The following ARHGEF33 variants were observed in gnomAD, a reference collection of about 807,000 sequenced individuals.
ARHGEF33 encodes the protein Rho guanine nucleotide exchange factor 33.
ARHGEF33 carries 72 observed loss-of-function variants against 101.9 expected under a neutral mutation model. The ratio of observed to expected loss-of-function variants is 0.71; its 90% confidence interval spans 0.58 to 0.86. The LOEUF (loss-of-function observed/expected upper bound fraction) is 0.86. ARHGEF33 is among the 40% of genes least tolerant of loss of function. ARHGEF33 has a pLI of 0.00. For synonymous variants in ARHGEF33, 499 were observed against 442.5 expected (o/e 1.13, Z -1.60); for missense variants, 1,169 against 1,111.3 (o/e 1.05, Z -0.74).
chr2:38,900,736 G>A (rs1241896203), intron 2 of ARHGEF33, among the ~76,000 whole-genome samples: 2 of 152,128 alleles, frequency 1.3e-5, no homozygotes, highest in Admixed American at 1.3e-4. Context: ...TAGTGAGATG[G>A]GGTTTCTGAG....
rs1412305264 is a variant in ARHGEF33, at chr2:38,960,448, G to A, written c.2143G>A (p.Ala715Thr). The A allele has an allele frequency of 4.0e-6, 6 of 1,495,172 alleles. No homozygotes were observed. The highest frequency in any genetic ancestry group is 5.3e-6 in the Non-Finnish European group (6 of 1,129,142). 92.6% of individuals were successfully genotyped at this position (1,495,172 alleles called of 1,614,324 possible). ...LSRSLKEFPR[A>T]PPADGVAPRL... Reference sequence around the variant, plus strand: ...CCGCTCTCTCAAAGAGTTCCCGCGTGCGCCGCCAGCCGACGGCGTGGCCCC... The same window carrying A: ...CCGCTCTCTCAAAGAGTTCCCGCGTACGCCGCCAGCCGACGGCGTGGCCCC... Residue 715 changes from alanine to threonine, a missense_variant, in exon 16 of 18, where the codon GCG becomes ACG. Physicochemically the swap from Ala to Thr is moderately conservative, Grantham distance 58 (BLOSUM62 0). Transcript: ENST00000409978.
intron 9 of ARHGEF33, among the ~76,000 whole-genome samples, chr2:38,942,350 A>C (rs1338370665): frequency 1.3e-5 from 2 of 151,542 alleles, no homozygotes; most frequent in African/African-American, 4.8e-5. Flanking sequence ...TATTTTTAGT[A>C]GAGATGGGGT....
rs569355881 is a variant in ARHGEF33, at chr2:38,915,318, G to A, written c.-85-4045G>A. ...GATCATGATAGTTGTTTAAGTAGAGGCGTTATAGTTGCTTTGTCCCCTGTA... is the reference window on the plus strand; with the variant it reads ...GATCATGATAGTTGTTTAAGTAGAGACGTTATAGTTGCTTTGTCCCCTGTA... On this transcript the variant is annotated intron_variant, in intron 2 of 17. Transcript: ENST00000409978. Among the ~76,000 whole-genome samples, 26 of 151,924 alleles carry A rather than the reference G, an allele frequency of 1.7e-4. 1 individual carries two copies. The South Asian group carries it at 3.1e-3, about 18-fold the overall frequency.
At chr2:38,958,997 G>A (rs1389522298) in intron 15 of ARHGEF33, among the ~76,000 whole-genome samples, 1 of 152,158 alleles carries the variant, frequency 6.6e-6, no homozygotes, top group African/African-American at 2.4e-5. Context: ...CGTCTGCCTC[G>A]GCCTCCCGAA....
intron 13 of ARHGEF33, among the ~76,000 whole-genome samples, chr2:38,954,844 G>T (rs1667700877): frequency 6.6e-6 from 1 of 152,066 alleles, no homozygotes; most frequent in African/African-American, 2.4e-5. Flanking sequence ...ATGTTGGCCA[G>T]GCTGGTCTTG....
intron 1 of ARHGEF33, among the ~76,000 whole-genome samples, chr2:38,890,310 G>A (rs1665967395): frequency 6.6e-6 from 1 of 152,166 alleles, no homozygotes; most frequent in Admixed American, 6.5e-5. Context: ...TTAAAGAAAG[G>A]ATGCTAGACA....
intron 4 of ARHGEF33, 126 bp downstream of exon 4, chr2:38,921,549 C>A (rs1666757362): frequency 1.4e-6 from 1 of 695,238 alleles, no homozygotes; most frequent in Non-Finnish European, 2.6e-6. Flanking sequence ...GTTCTCTTAA[C>A]AGGGCTGTGA....
chr2:38,899,929 C>G (rs1383996244), intron 2 of ARHGEF33, among the ~76,000 whole-genome samples: 1 of 152,042 alleles, frequency 6.6e-6, no homozygotes, highest in Non-Finnish European at 1.5e-5. Context: ...TGGGTCATGA[C>G]TGTAATCCTA....
Position 38,919,259 on chromosome 2 carries a change from A to T in ARHGEF33, c.-85-104A>T, listed in dbSNP as rs73930375. ...TTTTTCCTCTTCTGAAATTGCATGT[A>T]CCTCAAGCTGTGTTCATTTCAATTT... is the stretch of plus-strand genomic sequence containing the variant. On this transcript the variant is annotated intron_variant, in intron 2 of 17. Transcript: ENST00000409978. 804 of 563,358 alleles carry T rather than the reference A, an allele frequency of 1.4e-3. 7 individuals carry two copies. The highest frequency in any genetic ancestry group is 0.014 in the African/African-American group (743 of 53,360). 34.9% of individuals were successfully genotyped at this position (563,358 alleles called of 1,614,324 possible).
chr2:38,942,153 A>C (rs1363883494), intron 9 of ARHGEF33, among the ~76,000 whole-genome samples: 8 of 141,332 alleles, frequency 5.7e-5, no homozygotes, highest in South Asian at 2.2e-4. Context: ...TCTTCAATAC[A>C]TCTCTCCTTT....
At chr2:38,927,675 G>A (rs1216211912) in intron 4 of ARHGEF33, among the ~76,000 whole-genome samples, 5 of 152,186 alleles carry the variant, frequency 3.3e-5, no homozygotes, top group African/African-American at 4.8e-5. Flanking sequence ...CAGCCTGGGC[G>A]ACAGAGCAAG....
intron 4 of ARHGEF33, among the ~76,000 whole-genome samples, chr2:38,924,549 A>G (rs1270692828): frequency 2.0e-5 from 3 of 152,250 alleles, no homozygotes; most frequent in African/African-American, 2.4e-5. Flanking sequence ...TTCAACTCCA[A>G]CTGTGTTTTA....
intron 8 of ARHGEF33, among the ~76,000 whole-genome samples, chr2:38,936,387 T>C (rs892468982): frequency 6.6e-6 from 1 of 152,236 alleles, no homozygotes; most frequent in African/African-American, 2.4e-5. Context: ...ACATTGTTTT[T>C]GGCACCCTTC....
chr2:38,965,692 G>A (rs566869952), intron 16 of ARHGEF33, among the ~76,000 whole-genome samples: 1 of 152,304 alleles, frequency 6.6e-6, no homozygotes, highest in East Asian at 1.9e-4. Context: ...GGACGTTCTT[G>A]CAGTCTTCTT....
chr2:38,903,104 A>G (rs933993173), intron 2 of ARHGEF33, among the ~76,000 whole-genome samples: 3 of 152,226 alleles, frequency 2.0e-5, no homozygotes, highest in Non-Finnish European at 4.4e-5. Context: ...TATCCCTTAT[A>G]GCCCAGGATT....
rs756940684 is a variant in ARHGEF33 at position 38,958,064 on chromosome 2, G to C, written c.1401G>C (p.Leu467=). 6.1e-5 allele frequency: 95 copies of C among 1,552,258 alleles called. 1 individual carries two copies. The East Asian group carries it at 2.1e-3, about 35-fold the overall frequency. The part of the protein sequence containing the change: ...KSSMAKLYKG[L]ASQCANAGQD... ...CCATGGCGAAGCTGTACAAAGGGCT[G>C]GCTTCCCAGTGTGCCAATGCTGGGC... Residue 467 remains leucine, a synonymous_variant, in exon 15 of 18, where the codon CTG becomes CTC. Coordinates refer to ENST00000409978, the MANE Select transcript of ARHGEF33 (RefSeq NM_001145451.5).
intron 4 of ARHGEF33, among the ~76,000 whole-genome samples, chr2:38,926,319 G>A (rs186842164): frequency 4.7e-4 from 72 of 152,310 alleles, no homozygotes; most frequent in African/African-American, 1.7e-3. Flanking sequence ...AAAAAAGAAA[G>A]CTGAAGAGAG....
intron 3 of ARHGEF33, among the ~76,000 whole-genome samples, chr2:38,920,511 G>T (rs1405218058): frequency 7.0e-6 from 1 of 142,700 alleles, no homozygotes; most frequent in Non-Finnish European, 1.5e-5. Context: ...GGGTTCAAGC[G>T]ATTCTCCTGC....
intron 2 of ARHGEF33, among the ~76,000 whole-genome samples, chr2:38,906,084 C>T (rs1378562737): frequency 1.3e-5 from 2 of 150,494 alleles, no homozygotes; most frequent in African/African-American, 4.9e-5. Context: ...TGAAACTCCA[C>T]GTCTACAAAA....
Sources: allele counts gnomAD v4.1 joint callset (sites outside exome capture counted in the v4.1 genomes callset), GRCh38; gene constraint gnomAD v4.1.1; transcripts MANE v1.5; gene names NCBI Gene and HGNC (gene_info 2026-07-23, HGNC 2026-07-21).